The following SPON1 variants were observed in gnomAD, a reference collection of about 807,000 sequenced individuals.
The protein encoded by SPON1 is spondin-1.
A neutral mutation model predicts 111.7 loss-of-function variants in SPON1; 52 were observed. That is an observed-to-expected ratio of 0.47 (90% CI 0.37 to 0.59). SPON1 has a LOEUF of 0.59. SPON1 is among the 20% of genes least tolerant of loss of function. The probability of loss-of-function intolerance (pLI) is 0.00; values close to 1 mark genes in which losing one functional copy is unlikely to be tolerated. For synonymous variants in SPON1, 410 were observed against 395.8 expected, an observed-to-expected ratio of 1.04 and a Z score of -0.43; for missense variants, 957 against 1,068.5, an observed-to-expected ratio of 0.90 and a Z score of 1.46.
intron 6 of SPON1, among the ~76,000 whole-genome samples, chr11:14,137,553 G>C (rs190972908): frequency 3.0e-4 from 46 of 152,244 alleles, no homozygotes; most frequent in Non-Finnish European, 5.9e-5. Flanking sequence ...CAGTTTTACA[G>C]ATAAGGAAAC....
At chr11:14,048,606 C>T (rs1848686366) in intron 3 of SPON1, among the ~76,000 whole-genome samples, 1 of 152,188 alleles carries the variant, frequency 6.6e-6, no homozygotes, top group Non-Finnish European at 1.5e-5. Flanking sequence ...AGGCAGCCCT[C>T]CTTATAGACT....
At chr11:14,078,675 T>C (rs1848937316) in intron 4 of SPON1, among the ~76,000 whole-genome samples, 1 of 152,180 alleles carries the variant, frequency 6.6e-6, no homozygotes, top group Non-Finnish European at 1.5e-5. Context: ...ACAGGTTACC[T>C]AATCTGCTTC....
At chr11:13,984,986 T>A (rs1848171450) in intron 2 of SPON1, among the ~76,000 whole-genome samples, 1 of 152,166 alleles carries the variant, frequency 6.6e-6, no homozygotes, top group African/African-American at 2.4e-5. Flanking sequence ...CAGCAGTGGT[T>A]CTCAGAATGC....
In SPON1 at chr11:14,050,347, T is replaced by C. The variant is rs191537584; in HGVS notation, c.479+8693T>C. 1.1e-3 allele frequency among the ~76,000 whole-genome samples: 171 copies of C among 152,320 alleles called. 1 individual carries two copies. Among genetic ancestry groups the C allele is most frequent in the African/African-American group, 4.0e-3 (166 of 41,568 alleles). ...CAAATCACAGCCCATGGGCCAAAACTGGTCCATTGCCTGTTTTTGTAAATA... is the reference window on the plus strand; with the variant it reads ...CAAATCACAGCCCATGGGCCAAAACCGGTCCATTGCCTGTTTTTGTAAATA... On this transcript the variant is annotated intron_variant, in intron 3 of 15. Transcript: ENST00000576479.
At chr11:14,106,384 C>T (rs1055449237) in intron 5 of SPON1, among the ~76,000 whole-genome samples, 4 of 152,268 alleles carry the variant, frequency 2.6e-5, no homozygotes, top group Non-Finnish European at 5.9e-5. Context: ...CAGGAATTTG[C>T]ACACAAAATT....
chr11:13,989,168 C>T (rs979049831), intron 2 of SPON1, among the ~76,000 whole-genome samples: 8 of 152,098 alleles, frequency 5.3e-5, no homozygotes, highest in African/African-American at 1.7e-4. Flanking sequence ...GCTGTGAATC[C>T]GTCTGGTCCT....
intron 6 of SPON1, among the ~76,000 whole-genome samples, chr11:14,173,188 G>A (rs142459305): frequency 0.015 from 2,333 of 150,582 alleles, 59 homozygotes; most frequent in Non-Finnish European, 0.027. Flanking sequence ...GGGTTTGTTC[G>A]TTTCTTTTTA....
At chr11:14,121,891 T>G (rs1008222213) in intron 5 of SPON1, among the ~76,000 whole-genome samples, 11 of 99,408 alleles carry the variant, frequency 1.1e-4, no homozygotes, top group Non-Finnish European at 2.2e-4. Flanking sequence ...AGGCTGACAG[T>G]TTTTTTTTTT....
chr11:14,111,158 C>A (rs1384939148), intron 5 of SPON1, among the ~76,000 whole-genome samples: 1 of 152,164 alleles, frequency 6.6e-6, no homozygotes, highest in Non-Finnish European at 1.5e-5. Flanking sequence ...ATAAGGGCTG[C>A]AAAAATCTCT....
intron 3 of SPON1, among the ~76,000 whole-genome samples, chr11:14,074,700 A>G (rs1260448661): frequency 2.0e-5 from 3 of 152,212 alleles, no homozygotes; most frequent in Non-Finnish European, 2.9e-5. Context: ...GTGCAATCCC[A>G]AATTAAAGCG....
intron 6 of SPON1, among the ~76,000 whole-genome samples, chr11:14,223,319 A>G (rs891048009): frequency 6.6e-5 from 10 of 152,136 alleles, no homozygotes; most frequent in African/African-American, 2.4e-4. Context: ...AGCCAAGATT[A>G]CACCACTGCA....
At position 14,149,651 on chromosome 11, in the gene SPON1, T is replaced by G. The variant is rs73424156; in HGVS notation, c.825+14083T>G. On this transcript the variant is annotated intron_variant, in intron 6 of 15. Coordinates refer to ENST00000576479, the MANE Select transcript of SPON1 (RefSeq NM_006108.4). ...AAGCTCCATACAGGTGTACCATTTG[T>G]TATCTTTTATACCTTATTTTAATGG... 8.4e-3 allele frequency among the ~76,000 whole-genome samples: 1,285 copies of G among 152,296 alleles called. 14 individuals are homozygous for G. Among genetic ancestry groups the G allele is most frequent in the African/African-American group, 0.029 (1,199 of 41,570 alleles).
chr11:14,083,581 A>G (rs547766227), intron 5 of SPON1, among the ~76,000 whole-genome samples: 1 of 152,306 alleles, frequency 6.6e-6, no homozygotes, highest in Non-Finnish European at 1.5e-5. Context: ...GTAACATCTT[A>G]CGTTGATCAT....
intron 15 of SPON1, 88 bp downstream of exon 15, chr11:14,263,063 A>AG: frequency 1.4e-6 from 2 of 1,388,592 alleles, no homozygotes; most frequent in Non-Finnish European, 1.9e-6. Context: ...TAAAAAAAAA[A>AG]AAAAAAAAAA....
intron 6 of SPON1, among the ~76,000 whole-genome samples, chr11:14,233,494 C>T (rs1554938950): frequency 6.6e-6 from 1 of 152,202 alleles, no homozygotes; most frequent in East Asian, 1.9e-4. Context: ...ACACTCTGAA[C>T]AACAGCCCCT....
At chr11:14,129,584 T>C (rs1235056667) in intron 5 of SPON1, among the ~76,000 whole-genome samples, 9 of 152,186 alleles carry the variant, frequency 5.9e-5, no homozygotes, top group Admixed American at 5.9e-4. Flanking sequence ...CTATCCCACA[T>C]CTTCCTGTCT....
intron 7 of SPON1, among the ~76,000 whole-genome samples, chr11:14,251,453 C>T (rs1285914721): frequency 6.6e-6 from 1 of 152,228 alleles, no homozygotes; most frequent in East Asian, 1.9e-4. Context: ...CAGATGGTTA[C>T]ACCCATTGGC....
intron 2 of SPON1, among the ~76,000 whole-genome samples, chr11:14,017,124 T>G (rs1848449708): frequency 6.6e-6 from 1 of 152,200 alleles, no homozygotes; most frequent in African/African-American, 2.4e-5. Flanking sequence ...AGAAATTTAA[T>G]TTTACTCTCC....
chr11:14,043,105 G>A (rs1001382407), intron 3 of SPON1, among the ~76,000 whole-genome samples: 2 of 152,088 alleles, frequency 1.3e-5, no homozygotes. Flanking sequence ...TGTGGGAGAT[G>A]GCCTTGTGGA....
Sources: gnomAD v4.1 joint callset for allele counts (sites outside exome capture counted in the v4.1 genomes callset) on GRCh38, gnomAD v4.1.1 for gene constraint, MANE v1.5 for transcripts, NCBI Gene and HGNC (gene_info 2026-07-23, HGNC 2026-07-21) for gene names.